Variants in DAPK1 observed in about 807,000 individuals in gnomAD.
DAPK1 encodes the protein death associated protein kinase 1.
DAPK1 carries 56 observed loss-of-function variants against 144.9 expected under a neutral mutation model. That is an observed-to-expected ratio of 0.39 (90% confidence interval 0.31 to 0.48). The LOEUF is 0.48. Ranked by LOEUF, DAPK1 falls within the 20% of genes least tolerant of loss-of-function variation. The pLI is 0.95. For synonymous variants in DAPK1, 690 were observed against 749.0 expected (o/e 0.92, Z 1.29); for missense variants, 1,454 against 1,875.4 (o/e 0.78, Z 4.15).
At chr9:87,676,642 C>T (rs1587836332) in intron 19 of DAPK1, among the ~76,000 whole-genome samples, 1 of 152,214 alleles carries the variant, frequency 6.6e-6, no homozygotes, top group African/African-American at 2.4e-5. Flanking sequence ...GCCTCTCTTC[C>T]CAAAGACTTG....
chr9:87,668,050 G>C (rs919489553), intron 18 of DAPK1: 1 of 153,372 alleles, frequency 6.5e-6, no homozygotes, highest in Admixed American at 6.4e-5. Flanking sequence ...GCATAAAAGT[G>C]CTGTGGACTC....
intron 2 of DAPK1, among the ~76,000 whole-genome samples, chr9:87,518,650 A>G (rs534264044): frequency 1.3e-5 from 2 of 152,230 alleles, no homozygotes; most frequent in East Asian, 1.9e-4. Flanking sequence ...TTATCTGACC[A>G]TGCCCAGATG....
intron 3 of DAPK1, among the ~76,000 whole-genome samples, chr9:87,609,357 C>A (rs895499539): frequency 6.6e-6 from 1 of 152,160 alleles, no homozygotes; most frequent in Non-Finnish European, 1.5e-5. Context: ...CGGTATGATG[C>A]GTGTTTCTCT....
chr9:87,637,893 T>A, intron 3 of DAPK1, 50 bp from the exon 4 acceptor site: 1 of 1,589,164 alleles, frequency 6.3e-7, no homozygotes, highest in African/African-American at 1.3e-5. Flanking sequence ...AGAGAAGGAA[T>A]CAATATGAAA....
chr9:87,626,137 C>A (rs765545075), intron 3 of DAPK1, among the ~76,000 whole-genome samples: 1 of 152,164 alleles, frequency 6.6e-6, no homozygotes, highest in Non-Finnish European at 1.5e-5. Flanking sequence ...AAGCAAGGGC[C>A]ATTTGCAGTG....
intron 2 of DAPK1, among the ~76,000 whole-genome samples, chr9:87,512,553 C>T (rs185886083): frequency 1.3e-5 from 2 of 152,288 alleles, no homozygotes; most frequent in East Asian, 1.9e-4. Flanking sequence ...CCAGCTGCTG[C>T]GGGTAAATGC....
chr9:87,533,543 A>G (rs948297836), intron 2 of DAPK1, among the ~76,000 whole-genome samples: 4 of 152,190 alleles, frequency 2.6e-5, no homozygotes, highest in Non-Finnish European at 4.4e-5. Context: ...TGGAGCTTTG[A>G]AAGACGTAGG....
intron 3 of DAPK1, among the ~76,000 whole-genome samples, chr9:87,621,212 G>A (rs1449078405): frequency 6.6e-6 from 1 of 152,170 alleles, no homozygotes; most frequent in Non-Finnish European, 1.5e-5. Flanking sequence ...TTTGAGTGCT[G>A]GGGTAAATGG....
At chr9:87,583,316 A>G (rs1827819674) in intron 2 of DAPK1, among the ~76,000 whole-genome samples, 2 of 152,176 alleles carry the variant, frequency 1.3e-5, no homozygotes, top group African/African-American at 4.8e-5. Flanking sequence ...GAATGTAAGT[A>G]GCAGTCACTG....
chr9:87,605,290 G>A (rs991062470), intron 3 of DAPK1, 115 bp downstream of exon 3: 4 of 812,974 alleles, frequency 4.9e-6, no homozygotes, highest in Non-Finnish European at 8.0e-6. Context: ...AATTGGTTCT[G>A]CTGTATGAGG....
chr9:87,639,233 A>G, intron 4 of DAPK1, 121 bp from the exon 5 acceptor site: 1 of 909,634 alleles, frequency 1.1e-6, no homozygotes, highest in Non-Finnish European at 1.6e-6. Context: ...TTCTCTTCCA[A>G]CCACCCTTTC....
chr9:87,641,122 C>T (rs924238348), intron 9 of DAPK1, among the ~76,000 whole-genome samples: 4 of 152,112 alleles, frequency 2.6e-5, no homozygotes, highest in African/African-American at 9.7e-5. Context: ...GGGTGTTGGC[C>T]CAAACAGTGT....
chr9:87,638,819 CAA>C (rs1021921781), intron 4 of DAPK1, among the ~76,000 whole-genome samples: 1 of 152,212 alleles, frequency 6.6e-6, no homozygotes, highest in African/African-American at 2.4e-5. Context: ...GCCCCACAAA[CAA>C]TGTGCAAAAG....
At chr9:87,572,640 C>T (rs1827400612) in intron 2 of DAPK1, among the ~76,000 whole-genome samples, 1 of 152,120 alleles carries the variant, frequency 6.6e-6, no homozygotes, top group African/African-American at 2.4e-5. Flanking sequence ...CTTGTGCTCT[C>T]CCCATGTGAA....
Position 87,708,585 on chromosome 9 carries a change from GTTGT to G in DAPK1, c.*1228_*1231del, listed in dbSNP as rs138901994. ...TTAATCTATAAAATGTCGTTAAAAA[GTTGT>G]TTGTTTTTTTCTTTTTTTATAAATA... On this transcript the variant is annotated 3_prime_UTR_variant, in exon 26 of 26. Coordinates refer to ENST00000408954, the MANE Select transcript of DAPK1 (RefSeq NM_004938.4). The G allele has an allele frequency of 1.4e-4, 21 of 152,524 alleles. No homozygotes were observed. The highest frequency in any genetic ancestry group is 1.3e-3 in the East Asian group (7 of 5,186). The allele number at this position is 152,524 out of a possible 1,614,324, so 9.4% of individuals were successfully genotyped here.
chr9:87,567,569 C>T (rs138346848), intron 2 of DAPK1, among the ~76,000 whole-genome samples: 120 of 152,268 alleles, frequency 7.9e-4, no homozygotes, highest in African/African-American at 2.2e-3. Context: ...GAATTAGGCT[C>T]GGTTGTGAGG....
At chr9:87,504,172 C>T (rs989110285) in intron 2 of DAPK1, among the ~76,000 whole-genome samples, 1 of 152,114 alleles carries the variant, frequency 6.6e-6, no homozygotes, top group Non-Finnish European at 1.5e-5. Flanking sequence ...GACATTTTTC[C>T]TCTTAGCATT....
At chr9:87,649,040 A>G (rs930067613) in intron 15 of DAPK1, among the ~76,000 whole-genome samples, 161 bp downstream of exon 15, 3 of 152,208 alleles carry the variant, frequency 2.0e-5, no homozygotes, top group African/African-American at 7.2e-5. Context: ...CAGAAGTACT[A>G]GCTAAGGTGT....
chr9:87,504,492 C>A (rs1824516270), intron 2 of DAPK1, among the ~76,000 whole-genome samples: 1 of 152,142 alleles, frequency 6.6e-6, no homozygotes, highest in African/African-American at 2.4e-5. Flanking sequence ...GGTCGGGAAG[C>A]CAGGGAACAT....
Sources: gnomAD v4.1 joint callset for allele counts (sites outside exome capture counted in the v4.1 genomes callset) on GRCh38, gnomAD v4.1.1 for gene constraint, MANE v1.5 for transcripts, NCBI Gene and HGNC (gene_info 2026-07-23, HGNC 2026-07-21) for gene names.